The following DEFB121 variants were observed in gnomAD, a reference collection of about 807,000 sequenced individuals.
The protein encoded by DEFB121 is beta-defensin 121.
In DEFB121, 5 loss-of-function variants were observed where a neutral mutation model predicts 2.5. That is an observed-to-expected ratio of 1.96 (90% CI 1.03 to 4.13). The LOEUF (loss-of-function observed/expected upper bound fraction) is 4.13, where lower values mean the gene tolerates loss of function less well. Among genes scored for constraint, DEFB121 ranks in the 30% most tolerant of loss-of-function variants. The pLI is 0.00. For synonymous variants in DEFB121, 39 were observed against 32.6 expected (o/e 1.20, Z -0.67); for missense variants, 87 against 85.0 (o/e 1.02, Z -0.09).
intron 1 of DEFB121, chr20:31,412,495 T>A (rs1978691450): frequency 1.8e-6 from 1 of 559,268 alleles, no homozygotes; most frequent in Admixed American, 2.9e-5. Context: ...GAGATGATAC[T>A]ACTGACAGCA....
chr20:31,417,542 A>G (rs1464830206), upstream of DEFB121, among the ~76,000 whole-genome samples: 1 of 152,206 alleles, frequency 6.6e-6, no homozygotes, highest in East Asian at 1.9e-4. Context: ...CAGGAAAAAC[A>G]AAGACCAGGA....
chr20:31,412,394 G>C (rs2122360912), intron 1 of DEFB121, among the ~76,000 whole-genome samples: 1 of 152,282 alleles, frequency 6.6e-6, no homozygotes, highest in East Asian at 1.9e-4. Context: ...ACAAATCTGG[G>C]TTCAAATCCT....
chr20:31,408,314 T>C (rs1032853570), upstream of DEFB121, among the ~76,000 whole-genome samples: 2 of 152,034 alleles, frequency 1.3e-5, no homozygotes, highest in Non-Finnish European at 2.9e-5. Context: ...TAGCCGGGCA[T>C]GGTGGGGCAA....
upstream of DEFB121, among the ~76,000 whole-genome samples, chr20:31,414,005 C>T (rs1371501695): frequency 6.6e-6 from 1 of 152,066 alleles, no homozygotes; most frequent in South Asian, 2.1e-4. Context: ...GTCAGGAGTT[C>T]GAGACCAGCC....
At chr20:31,415,304 G>C (rs980884618), upstream of DEFB121, among the ~76,000 whole-genome samples, 19 of 151,718 alleles carry the variant, frequency 1.3e-4, no homozygotes, top group South Asian at 2.1e-3. Context: ...GGCTGGAGTG[G>C]AGTGGTACGA....
At chr20:31,410,823 T>TGAGAGAGAGAGAGAGAGAGAGAGA (rs72164704), upstream of DEFB121, among the ~76,000 whole-genome samples, 30 of 136,136 alleles carry the variant, frequency 2.2e-4, no homozygotes, top group African/African-American at 7.5e-4. Flanking sequence ...CCTTGAAAAA[T>TGAGAGAGAGAGAGAGAGAGAGAGA]GAGAGAGAGA....
rs1056989652 is a variant in DEFB121, at chr20:31,405,164, C to T, written c.59-79G>A. 26 of 1,414,194 alleles carry T rather than the reference C, an allele frequency of 1.8e-5. No individual in the cohort carries two copies. In the African/African-American group the frequency reaches 3.8e-4, roughly 20 times the overall value. The allele number at this position is 1,414,194 out of a possible 1,614,324, so 87.6% of individuals were successfully genotyped here. On this transcript the variant is annotated intron_variant, in intron 1 of 1. Transcript: ENST00000376314. Reference sequence around the variant, plus strand: ...GGTGTGAAAGGAAGAGGCTAAAGCCCAGTAGAGGAGTAGGAGGGAAATGAG... The same window carrying T: ...GGTGTGAAAGGAAGAGGCTAAAGCCTAGTAGAGGAGTAGGAGGGAAATGAG...
intron 1 of DEFB121, among the ~76,000 whole-genome samples, chr20:31,405,540 A>G (rs1343309729): frequency 6.6e-6 from 1 of 151,964 alleles, no homozygotes; most frequent in African/African-American, 2.4e-5. Flanking sequence ...CTTCTAGGGC[A>G]CCTTTAAAAC....
upstream of DEFB121, among the ~76,000 whole-genome samples, chr20:31,407,645 T>A (rs1978524907): frequency 6.6e-6 from 1 of 152,216 alleles, no homozygotes; most frequent in South Asian, 2.1e-4. Context: ...TATAAAGGAT[T>A]GATGTTTTAA....
At chr20:31,412,564 G>A in intron 1 of DEFB121, 2 of 1,220,810 alleles carry the variant, frequency 1.6e-6, no homozygotes, top group Non-Finnish European at 2.2e-6. Flanking sequence ...AATAGTGCCT[G>A]GCATAGAGGA....
chr20:31,415,114 A>G (rs945080702), upstream of DEFB121, among the ~76,000 whole-genome samples: 3 of 152,232 alleles, frequency 2.0e-5, no homozygotes, highest in Non-Finnish European at 2.9e-5. Flanking sequence ...GCTGTACTAC[A>G]TTGTACCTAG....
At chr20:31,407,887 C>T (rs1978535393), upstream of DEFB121, among the ~76,000 whole-genome samples, 1 of 152,190 alleles carries the variant, frequency 6.6e-6, no homozygotes, top group Non-Finnish European at 1.5e-5. Flanking sequence ...AAGCAGTTCT[C>T]CTGCCTTAGC....
chr20:31,418,259 C>CAAAA, the DEFB121 span, among the ~76,000 whole-genome samples: 31 of 82,976 alleles, frequency 3.7e-4, 2 homozygotes, highest in East Asian at 1.2e-3. Flanking sequence ...GACTCCGTCT[C>CAAAA]AAAAAAAAAA....
Position 31,406,141 on chromosome 20 carries a change from A to T in DEFB121, c.12T>A (p.Leu4=). MKL[L]LLLLTVTLLL... Reference sequence around the variant, plus strand: ...GCAGAGTAACAGTCAAAAGCAGAAGAAGGAGCTTCATGAATGATGAATGAT... The same window carrying T: ...GCAGAGTAACAGTCAAAAGCAGAAGTAGGAGCTTCATGAATGATGAATGAT... Residue 4 remains leucine, a synonymous_variant, in exon 1 of 2, where the codon CTT becomes CTA. Coordinates refer to ENST00000376314, the MANE Select transcript of DEFB121 (RefSeq NM_001011878.3). 2 of 1,614,152 alleles carry T rather than the reference A, an allele frequency of 1.2e-6. No homozygotes were observed. The highest frequency in any genetic ancestry group is 2.2e-5 in the South Asian group (2 of 91,082).
chr20:31,408,314 T>A (rs1032853570), upstream of DEFB121, among the ~76,000 whole-genome samples: 6 of 152,034 alleles, frequency 3.9e-5, no homozygotes, highest in South Asian at 2.1e-4. Context: ...TAGCCGGGCA[T>A]GGTGGGGCAA....
the DEFB121 span, among the ~76,000 whole-genome samples, chr20:31,418,398 G>A: frequency 2.6e-5 from 4 of 151,444 alleles, no homozygotes; most frequent in Non-Finnish European, 4.4e-5. Context: ...AGAAGAACCC[G>A]AATGGCTTCG....
At position 31,405,144 on chromosome 20, in the gene DEFB121, G is replaced by C. The variant is rs1978435439; in HGVS notation, c.59-59C>G. On this transcript the variant is annotated intron_variant, in intron 1 of 1. Transcript: ENST00000376314. ...GTTTTGAAAGAAAGCAGAAAGGTGTGAAAGGAAGAGGCTAAAGCCCAGTAG... is the reference window on the plus strand; with the variant it reads ...GTTTTGAAAGAAAGCAGAAAGGTGTCAAAGGAAGAGGCTAAAGCCCAGTAG... 8.5e-6 allele frequency: 13 copies of C among 1,527,870 alleles called. No individual in the cohort carries two copies. The South Asian group carries it at 9.1e-5, about 11-fold the overall frequency. 94.6% of individuals were successfully genotyped at this position (1,527,870 alleles called of 1,614,324 possible).
At chr20:31,406,390 G>A (rs1465797331), upstream of DEFB121, 11 of 779,386 alleles carry the variant, frequency 1.4e-5, no homozygotes, top group East Asian at 1.2e-4. Flanking sequence ...GAGAAGATAC[G>A]GCCTTGCCTC....
upstream of DEFB121, among the ~76,000 whole-genome samples, chr20:31,414,996 G>T (rs1600534829): frequency 6.6e-6 from 1 of 152,298 alleles, no homozygotes; most frequent in Non-Finnish European, 1.5e-5. Context: ...GAGCCTAAAA[G>T]GTGGAGGCTG....
Sources: gnomAD v4.1 joint callset for allele counts (sites outside exome capture counted in the v4.1 genomes callset) on GRCh38, gnomAD v4.1.1 for gene constraint, MANE v1.5 for transcripts, NCBI Gene and HGNC (gene_info 2026-07-23, HGNC 2026-07-21) for gene names.